CCDC102B: variants seen among roughly 807,000 people sequenced by gnomAD.
CCDC102B encodes coiled-coil domain-containing protein 102B.
Under a neutral mutation model 57.4 loss-of-function variants are expected in CCDC102B, and 75 were observed. That is an observed-to-expected ratio of 1.31 (90% CI 1.08 to 1.58). The LOEUF is 1.58. Among genes scored for constraint, CCDC102B ranks in the 40% most tolerant of loss-of-function variants. The pLI is 0.00. For missense variants in CCDC102B, 636 were observed against 582.6 expected, an observed-to-expected ratio of 1.09 and a Z score of -0.94; for synonymous variants, 206 against 201.9, an observed-to-expected ratio of 1.02 and a Z score of -0.17.
rs538295771 is a variant in CCDC102B, at chr18:68,911,136, A to G, written c.1263+13708A>G. ...TTTTGTCATAAAGACACATGCATGC[A>G]TCTGTTCATTGCAGCACTATTCCCA... On this transcript the variant is annotated intron_variant, in intron 6 of 7. Coordinates refer to ENST00000360242, the MANE Select transcript of CCDC102B (RefSeq NM_024781.3). Among the ~76,000 whole-genome samples the G allele has an allele frequency of 4.6e-5, 7 of 152,320 alleles. No homozygotes were observed. In the South Asian group the frequency reaches 1.4e-3, roughly 32 times the overall value.
chr18:69,015,044 G>A (rs1304652902), intron 7 of CCDC102B, among the ~76,000 whole-genome samples: 3 of 150,850 alleles, frequency 2.0e-5, no homozygotes, highest in Non-Finnish European at 3.0e-5. Flanking sequence ...AAAATTTGCT[G>A]TTCTTTGCTG....
chr18:68,879,384 G>A (rs2039588703), intron 5 of CCDC102B, among the ~76,000 whole-genome samples: 2 of 152,172 alleles, frequency 1.3e-5, no homozygotes, highest in African/African-American at 4.8e-5. Context: ...CGAGCGGGTT[G>A]CCACTGCTGG....
At chr18:68,889,297 G>A (rs1261310120) in intron 5 of CCDC102B, among the ~76,000 whole-genome samples, 2 of 152,290 alleles carry the variant, frequency 1.3e-5, no homozygotes, top group South Asian at 2.1e-4. Flanking sequence ...CTTCCAACAC[G>A]TGAAGACACA....
chr18:68,964,792 T>G (rs1161811238), intron 6 of CCDC102B, among the ~76,000 whole-genome samples: 1 of 151,914 alleles, frequency 6.6e-6, no homozygotes, highest in East Asian at 1.9e-4. Flanking sequence ...TTTCTTACTT[T>G]TGGCACATCT....
chr18:68,848,432 A>T (rs913557009), intron 4 of CCDC102B, among the ~76,000 whole-genome samples: 33 of 152,020 alleles, frequency 2.2e-4, no homozygotes, highest in Admixed American at 6.6e-5. Flanking sequence ...TGGAAAGATT[A>T]GCAATTGTTA....
chr18:68,841,191 AGTGG>A (rs2037614028), intron 3 of CCDC102B, among the ~76,000 whole-genome samples: 1 of 152,188 alleles, frequency 6.6e-6, no homozygotes, highest in East Asian at 1.9e-4. Context: ...AATATCAGTG[AGTGG>A]GTGGCTTCGA....
At chr18:68,783,990 G>A (rs184796982) in intron 2 of CCDC102B, among the ~76,000 whole-genome samples, 163 of 152,084 alleles carry the variant, frequency 1.1e-3, no homozygotes, top group African/African-American at 3.7e-3. Context: ...CTAATAGTGC[G>A]TTTTTCAATC....
chr18:68,860,067 G>C lies in CCDC102B; in HGVS notation c.936+13646G>C, dbSNP rs1209319961. Among the ~76,000 whole-genome samples, 5 of 64,752 alleles carry C rather than the reference G, an allele frequency of 7.7e-5. 1 individual carries two copies. The Admixed American group carries it at 9.2e-4, about 12-fold the overall frequency. 42.5% of individuals were successfully genotyped at this position (64,752 alleles called of 152,430 possible). A position where few individuals can be genotyped will look rare whatever the true frequency, so the allele number is the denominator to read the frequency against. ...GGAACCAACCCAAATGTCCAACAATGATAGACTGGATTAAGAAAATGTGGC... is the reference window on the plus strand; with the variant it reads ...GGAACCAACCCAAATGTCCAACAATCATAGACTGGATTAAGAAAATGTGGC... On this transcript the variant is annotated intron_variant, in intron 4 of 7. Transcript: ENST00000360242.
intron 6 of CCDC102B, among the ~76,000 whole-genome samples, chr18:68,898,575 C>T (rs118033437): frequency 0.012 from 1,793 of 152,110 alleles, 37 homozygotes; most frequent in East Asian, 0.081. Context: ...GCAGAATTAT[C>T]TCAATTATGG....
At chr18:68,771,047 A>G (rs2034622769) in intron 2 of CCDC102B, among the ~76,000 whole-genome samples, 1 of 152,254 alleles carries the variant, frequency 6.6e-6, no homozygotes, top group Admixed American at 6.5e-5. Flanking sequence ...CTGATAGAGT[A>G]AGGAGACCTT....
chr18:68,960,874 G>A (rs1011057048), intron 6 of CCDC102B, among the ~76,000 whole-genome samples: 1 of 152,182 alleles, frequency 6.6e-6, no homozygotes, highest in Non-Finnish European at 1.5e-5. Context: ...AAGGGATGGG[G>A]AAGGTGGTGT....
chr18:68,730,172 A>G (rs2032792936), intron 2 of CCDC102B, among the ~76,000 whole-genome samples: 1 of 152,208 alleles, frequency 6.6e-6, no homozygotes. Context: ...TAAATATAAA[A>G]TGTGATATTT....
At chr18:68,868,575 T>G (rs2144909592) in intron 4 of CCDC102B, among the ~76,000 whole-genome samples, 1 of 152,286 alleles carries the variant, frequency 6.6e-6, no homozygotes, top group Non-Finnish European at 1.5e-5. Context: ...TGCATTTGAG[T>G]CTACTCTTTG....
chr18:69,028,734 C>A (rs1407449292), intron 7 of CCDC102B, among the ~76,000 whole-genome samples: 1 of 152,008 alleles, frequency 6.6e-6, no homozygotes, highest in East Asian at 1.9e-4. Flanking sequence ...AGTAGAATAA[C>A]TGGTGACCTA....
At chr18:69,011,934 A>G (rs1253823702) in intron 7 of CCDC102B, among the ~76,000 whole-genome samples, 1 of 152,170 alleles carries the variant, frequency 6.6e-6, no homozygotes, top group Non-Finnish European at 1.5e-5. Context: ...ACATTTTGAG[A>G]ATTTGTTTTT....
intron 2 of CCDC102B, among the ~76,000 whole-genome samples, chr18:68,717,606 C>CT (rs2032097081): frequency 6.6e-6 from 1 of 151,972 alleles, no homozygotes; most frequent in Non-Finnish European, 1.5e-5. Flanking sequence ...ACTTTTTAGG[C>CT]TTTTTTGTTC....
At chr18:68,936,116 C>G (rs917162291) in intron 6 of CCDC102B, among the ~76,000 whole-genome samples, 40 of 151,950 alleles carry the variant, frequency 2.6e-4, no homozygotes, top group African/African-American at 8.9e-4. Flanking sequence ...TCTAAAGGCT[C>G]TGTGTATAAG....
chr18:69,024,382 G>A (rs1480859642), intron 7 of CCDC102B, among the ~76,000 whole-genome samples: 4 of 151,956 alleles, frequency 2.6e-5, no homozygotes, highest in Non-Finnish European at 5.9e-5. Flanking sequence ...TCTCAGATGA[G>A]CTATTTTATC....
intron 6 of CCDC102B, among the ~76,000 whole-genome samples, chr18:69,010,719 G>A (rs927254933): frequency 1.3e-5 from 2 of 152,030 alleles, no homozygotes; most frequent in African/African-American, 4.8e-5. Flanking sequence ...ACAAAACAAC[G>A]TAAAGAGTGC....
Sources: gnomAD v4.1 joint callset for allele counts (sites outside exome capture counted in the v4.1 genomes callset) on GRCh38, gnomAD v4.1.1 for gene constraint, MANE v1.5 for transcripts, NCBI Gene and HGNC (gene_info 2026-07-23, HGNC 2026-07-21) for gene names.